Variants in SLC19A1 observed in about 807,000 individuals in gnomAD.
SLC19A1 encodes reduced folate transporter.
In SLC19A1, 37 loss-of-function variants were observed where a neutral mutation model predicts 35.3. The ratio of observed to expected loss-of-function variants is 1.05; its 90% CI spans 0.81 to 1.38. SLC19A1 has a LOEUF of 1.38. SLC19A1 is among the 40% of genes most tolerant of loss of function. The probability of loss-of-function intolerance (pLI) is 0.00; values close to 1 mark genes in which losing one functional copy is unlikely to be tolerated. For synonymous variants in SLC19A1, 460 were observed against 398.5 expected, an observed-to-expected ratio of 1.15 and a Z score of -1.84; for missense variants, 831 against 826.9, an observed-to-expected ratio of 1.00 and a Z score of -0.06.
chr21:45,517,474 C>G lies in SLC19A1; in HGVS notation c.1294-1334G>C, dbSNP rs1466038508. Among the ~76,000 whole-genome samples the G allele has an allele frequency of 6.6e-6, 1 of 152,088 alleles. No individual in the cohort carries two copies. Among genetic ancestry groups the G allele is most frequent in the Non-Finnish European group, 1.5e-5 (1 of 68,008 alleles). ...CCCACTGGTTGGTAAAGACACCCAC[C>G]CTCACCCCCAAGGAGTCAGCAGAGA... is the stretch of plus-strand genomic sequence containing the variant. On this transcript the variant is annotated intron_variant, in intron 5 of 5. Transcript: ENST00000311124. This position sits in a 1 kb window ranked among gnomAD's most constrained non-coding sequence, Gnocchi z 4.4.
upstream of SLC19A1, chr21:45,544,325 T>C (rs2078390054): frequency 6.6e-6 from 1 of 152,280 alleles, no homozygotes; most frequent in Non-Finnish European, 1.5e-5. Context: ...CACTTGGCAG[T>C]TGTAATCTAG....
rs2037733068 is a variant in SLC19A1 at position 45,513,567 on chromosome 21, G to T, written c.*2091C>A. On this transcript the variant is annotated 3_prime_UTR_variant, in exon 6 of 6. Transcript: ENST00000311124. ...AACCCGAGTCATTCGTTCTGTGGAG[G>T]GACAAGTGGACTCAGGGCAGCGCCA... 1 of 152,228 alleles carries T rather than the reference G, an allele frequency of 6.6e-6. No homozygotes were observed. Among genetic ancestry groups the T allele is most frequent in the South Asian group, 2.1e-4 (1 of 4,824 alleles). 9.4% of individuals were successfully genotyped at this position (152,228 alleles called of 1,614,324 possible). A position where few individuals can be genotyped will look rare whatever the true frequency, so the allele number is the denominator to read the frequency against.
downstream of SLC19A1, chr21:45,509,455 C>T (rs556925757): frequency 2.1e-5 from 32 of 1,533,278 alleles, no homozygotes; most frequent in African/African-American, 4.1e-5. Flanking sequence ...GCGGCCCTGG[C>T]GGGCAGATGA....
chr21:45,537,864 A>C lies in SLC19A1; in HGVS notation c.96T>G (p.Leu32=), dbSNP rs747191324. 2 of 1,607,664 alleles carry C rather than the reference A, an allele frequency of 1.2e-6. No homozygotes were observed. The highest frequency in any genetic ancestry group is 1.7e-6 in the Non-Finnish European group (2 of 1,178,566). ...LRSWRHLVCY[L]CFYGFMAQIR... is the part of the protein sequence containing the mutation. ...TCTGCGCCATGAAGCCGTAGAAGCA[A>C]AGGTAGCACACGAGGTGCCGCCAGG... is the stretch of plus-strand genomic sequence containing the variant. Residue 32 remains leucine, a synonymous_variant, in exon 2 of 6, where the codon CTT becomes CTG. Coordinates refer to ENST00000311124, the MANE Select transcript of SLC19A1 (RefSeq NM_194255.4).
chr21:45,548,382 A>T (rs929790610), upstream of SLC19A1, among the ~76,000 whole-genome samples: 1 of 152,266 alleles, frequency 6.6e-6, no homozygotes, highest in Non-Finnish European at 1.5e-5. Context: ...TATCTGATAC[A>T]GGACTTGTAT....
chr21:45,534,522 T>G lies in SLC19A1; in HGVS notation c.190-2374A>C, dbSNP rs1472922624. On this transcript the variant is annotated intron_variant, in intron 2 of 5. Transcript: ENST00000311124. This position sits in a 1 kb window ranked among gnomAD's most constrained non-coding sequence, Gnocchi z 4.2. ...TCTGGAAAAGGGCGGCCAGGGGTCC[T>G]AGAAGCCTCACCCACCTCCGAATGA... 4 of 1,532,168 alleles carry G rather than the reference T, an allele frequency of 2.6e-6. No individual in the cohort carries two copies. In the Admixed American group the frequency reaches 7.8e-5, roughly 30 times the overall value. The allele number at this position is 1,532,168 out of a possible 1,614,324, so 94.9% of individuals were successfully genotyped here.
intron 1 of SLC19A1, among the ~76,000 whole-genome samples, chr21:45,556,514 A>G (rs989045118): frequency 1.3e-5 from 2 of 152,274 alleles, no homozygotes; most frequent in Non-Finnish European, 2.9e-5. Flanking sequence ...TTAACTAATT[A>G]AAGACTTAAA....
At chr21:45,562,950 G>A (rs2078628506) in exon 1 of SLC19A1, among the ~76,000 whole-genome samples, 1 of 152,254 alleles carries the variant, frequency 6.6e-6, no homozygotes. Context: ...ATCTACGTGT[G>A]TACGGATCTG....
chr21:45,514,264 C>CCCA lies in SLC19A1; in HGVS notation c.*1391_*1393dup, dbSNP rs1555877867. 90 of 152,176 alleles carry CCCA rather than the reference C, an allele frequency of 5.9e-4. No individual in the cohort carries two copies. Among genetic ancestry groups the CCCA allele is most frequent in the Non-Finnish European group, 2.2e-4 (15 of 68,094 alleles). The allele number at this position is 152,176 out of a possible 1,614,324, so 9.4% of individuals were successfully genotyped here. The stretch of plus-strand genomic sequence containing the variant: ...AGGAAATGGCTGGTGCAGACCCCCC[C>CCCA]CCAAGCAGGGTCCCCAGGGTGGCCA... On this transcript the variant is annotated 3_prime_UTR_variant, in exon 6 of 6. Coordinates refer to ENST00000311124, the MANE Select transcript of SLC19A1 (RefSeq NM_194255.4).
At chr21:45,528,430 C>CTCAGGGACACACAG (rs1475679785) in intron 4 of SLC19A1, among the ~76,000 whole-genome samples, 1 of 152,074 alleles carries the variant, frequency 6.6e-6, no homozygotes, top group Non-Finnish European at 1.5e-5. Context: ...ACAGGGGCCA[C>CTCAGGGACACACAG]TCAGTCCACA....
Position 45,532,100 on chromosome 21 carries a change from G to T in SLC19A1, c.238C>A (p.Leu80Met), listed in dbSNP as rs761859510. 3.7e-6 allele frequency: 6 copies of T among 1,611,680 alleles called. No individual in the cohort carries two copies. The highest frequency in any genetic ancestry group is 5.1e-6 in the Non-Finnish European group (6 of 1,178,996). ...TCGGTGAGCAGGAACACGGGCACCA[G>T]CACGGCCAGGTAGGAGTACGACAGC... ...PVLSYSYLAV[L>M]VPVFLLTDYL... The change falls in exon 3 of 6, where the codon CTG (leucine) becomes ATG (methionine). Residue 80 changes from leucine (L) to methionine (M), a missense_variant. Transcript: ENST00000311124.
chr21:45,510,104 TGCGGGGCATCC>T (rs1160505542), downstream of SLC19A1: 2 of 1,593,000 alleles, frequency 1.3e-6, no homozygotes, highest in Non-Finnish European at 1.7e-6. Context: ...TCAGGCGGCA[TGCGGGGCATCC>T]GCGGGGCCGA....
upstream of SLC19A1, among the ~76,000 whole-genome samples, chr21:45,545,542 T>C (rs1395143438): frequency 6.6e-6 from 1 of 152,038 alleles, no homozygotes; most frequent in Non-Finnish European, 1.5e-5. Context: ...TTCTTTATGA[T>C]ACCCAGTCTC....
downstream of SLC19A1, among the ~76,000 whole-genome samples, chr21:45,510,937 A>AC (rs2037541210): frequency 1.2e-5 from 1 of 83,246 alleles, no homozygotes; most frequent in Non-Finnish European, 2.3e-5. Context: ...CCCCCCAAAA[A>AC]AACACACACC....
chr21:45,509,805 CG>C (rs199804941), downstream of SLC19A1, among the ~76,000 whole-genome samples: 2,086 of 152,296 alleles, frequency 0.014, 54 homozygotes, highest in African/African-American at 0.047. Flanking sequence ...AAAGTCCAGC[CG>C]CTGTCACATC....
rs1416070610 is a variant in SLC19A1 at position 45,553,646 on chromosome 21, TC to T, written c.-50+9095del. ...CAATCCCCCCGCGCCCCCCTCCTAG[TC>T]CCCCCGCGCCCCCTTCCCAGTCCCC... On this transcript the variant is annotated intron_variant, in intron 1 of 5. Transcript: ENST00000650808. Among the ~76,000 whole-genome samples, 17 of 5,440 alleles carry T rather than the reference TC, an allele frequency of 3.1e-3. 1 individual carries two copies. The highest frequency in any genetic ancestry group is 0.015 in the African/African-American group (16 of 1,046). The allele number at this position is 5,440 out of a possible 152,430, so 3.6% of individuals were successfully genotyped here.
chr21:45,509,455 C>A (rs556925757), downstream of SLC19A1: 41 of 1,533,398 alleles, frequency 2.7e-5, no homozygotes, highest in African/African-American at 4.9e-4. Context: ...GCGGCCCTGG[C>A]GGGCAGATGA....
At chr21:45,516,407 C>T (rs933003882) in intron 5 of SLC19A1, among the ~76,000 whole-genome samples, 2 of 152,196 alleles carry the variant, frequency 1.3e-5, no homozygotes, top group African/African-American at 2.4e-5. Context: ...CCTGCTTCTG[C>T]GTGGCCTGCG....
chr21:45,531,761 G>C lies in SLC19A1; in HGVS notation c.577C>G (p.Leu193Val). 6.2e-7 allele frequency: 1 copy of C among 1,610,846 alleles called. No homozygotes were observed. The highest frequency in any genetic ancestry group is 8.5e-7 in the Non-Finnish European group (1 of 1,178,726). The change falls in exon 3 of 6, where the codon CTC (leucine) becomes GTC (valine). Residue 193 changes from leucine (L) to valine (V), a missense_variant. Leu to Val is a conservative substitution (Grantham distance 32, BLOSUM62 1). Coordinates refer to ENST00000311124, the MANE Select transcript of SLC19A1 (RefSeq NM_194255.4). ...AGGGCGAGGACCACGCTGAAGGTGA[G>C]GAAGGCCAGCGAGATGTAGTTGAGC... ...STLNYISLAF[L>V]TFSVVLALFL...
Sources: gnomAD v4.1 joint callset for allele counts (sites outside exome capture counted in the v4.1 genomes callset) on GRCh38, gnomAD v4.1.1 for gene constraint, Gnocchi (gnomAD v3.1) non-coding constraint, MANE v1.5 for transcripts, NCBI Gene and HGNC (gene_info 2026-07-23, HGNC 2026-07-21) for gene names.